The following PRKCH variants were observed in gnomAD, a reference collection of about 807,000 sequenced individuals.
PRKCH encodes protein kinase C eta type.
In PRKCH, 28 loss-of-function variants were observed where a neutral mutation model predicts 82.5. The observed-to-expected ratio is 0.34, with a 90% CI of 0.25 to 0.47. The LOEUF (loss-of-function observed/expected upper bound fraction) is 0.47, where lower values mean the gene tolerates loss of function less well. Among genes scored for constraint, PRKCH ranks in the 20% least tolerant of loss-of-function variants. PRKCH has a pLI of 1.00. For synonymous variants in PRKCH, 322 were observed against 327.4 expected (o/e 0.98, Z 0.18); for missense variants, 705 against 881.8 (o/e 0.80, Z 2.54).
intron 10 of PRKCH, among the ~76,000 whole-genome samples, chr14:61,504,337 C>A (rs1272258887): frequency 6.6e-6 from 1 of 152,024 alleles, no homozygotes; most frequent in Non-Finnish European, 1.5e-5. Flanking sequence ...TACAGGTGCT[C>A]ACCACCACCC....
chr14:61,453,045 CAG>C, intron 6 of PRKCH, 179 bp from the exon 7 acceptor site: 3 of 686,596 alleles, frequency 4.4e-6, no homozygotes, highest in East Asian at 2.8e-5. Context: ...CTGCAGAAAA[CAG>C]AAATAGATAA....
intron 1 of PRKCH, among the ~76,000 whole-genome samples, chr14:61,191,397 G>T (rs749853813): frequency 6.6e-6 from 1 of 152,196 alleles, no homozygotes; most frequent in Non-Finnish European, 1.5e-5. Flanking sequence ...TCCAGGCTGG[G>T]TACAGTGGCT....
rs35610231 is a variant in PRKCH, at chr14:61,212,325, C to T, written c.-19+24657C>T. 1.2e-4 allele frequency among the ~76,000 whole-genome samples: 19 copies of T among 152,120 alleles called. No homozygotes were observed. The East Asian group carries it at 2.7e-3, about 22-fold the overall frequency. ...ATGGATGGACTTTCCTGTTGCAGAG[C>T]GGTTGTAACTATGCTATCATTGGAA... On this transcript the variant is annotated intron_variant, in intron 1 of 3. Transcript: ENST00000555185.
intron 1 of PRKCH, among the ~76,000 whole-genome samples, chr14:61,343,345 T>G (rs2140140286): frequency 9.5e-6 from 1 of 105,680 alleles, no homozygotes; most frequent in Non-Finnish European, 1.9e-5. Flanking sequence ...TAATGACCAG[T>G]TCCCTCAAAA....
At chr14:61,235,302 G>A (rs1172782150) in intron 1 of PRKCH, among the ~76,000 whole-genome samples, 2 of 152,130 alleles carry the variant, frequency 1.3e-5, no homozygotes, top group Non-Finnish European at 2.9e-5. Context: ...TCACCGCTAG[G>A]CAAACAGCAT....
chr14:61,451,175 G>T (rs1884492576), intron 6 of PRKCH, among the ~76,000 whole-genome samples: 1 of 152,118 alleles, frequency 6.6e-6, no homozygotes, highest in African/African-American at 2.4e-5. Flanking sequence ...TCTAATCATA[G>T]GACATTAAGT....
At chr14:61,432,771 G>A (rs965825655) in intron 2 of PRKCH, among the ~76,000 whole-genome samples, 2 of 151,984 alleles carry the variant, frequency 1.3e-5, no homozygotes, top group African/African-American at 4.8e-5. Context: ...AGAGTCCCTC[G>A]CTATATTGTC....
At chr14:61,506,693 T>C (rs1009161248) in intron 10 of PRKCH, among the ~76,000 whole-genome samples, 1 of 152,174 alleles carries the variant, frequency 6.6e-6, no homozygotes, top group Non-Finnish European at 1.5e-5. Flanking sequence ...CCTGGCTGCC[T>C]GATCTTCCCT....
At chr14:61,444,868 C>A (rs1884145556) in intron 3 of PRKCH, among the ~76,000 whole-genome samples, 1 of 152,208 alleles carries the variant, frequency 6.6e-6, no homozygotes. Context: ...TTTTAATCTT[C>A]ATTAGAGCCC....
At position 61,280,349 on chromosome 14, in the gene PRKCH, C is replaced by T; in HGVS notation, c.-19+92681C>T. 1 of 1,613,956 alleles carries T rather than the reference C, an allele frequency of 6.2e-7. No individual in the cohort carries two copies. The highest frequency in any genetic ancestry group is 8.5e-7 in the Non-Finnish European group (1 of 1,179,928). On this transcript the variant is annotated intron_variant, in intron 1 of 3. Coordinates refer to the PRKCH transcript ENST00000555185. This position sits in a 1 kb window ranked among gnomAD's most constrained non-coding sequence, Gnocchi z 5.0. ...GAGTAGTTGCCCTGGCGGATGCGCG[C>T]GTACAGTTTGCGGAACGTGGGCAGC...
intron 1 of PRKCH, among the ~76,000 whole-genome samples, chr14:61,314,168 TTC>T (rs1203407346): frequency 3.5e-5 from 5 of 141,360 alleles, no homozygotes; most frequent in Non-Finnish European, 7.6e-5. Flanking sequence ...AATTTATCTC[TTC>T]TTTTTTATTG....
rs2140091656 is a variant in PRKCH, at chr14:61,280,011, G to A, written c.-19+92343G>A. ...GAAAAGCTAGGCGAGGTTGGAATTGGGTGACGGGCGAGGAGGAGATGCCAA... is the reference window on the plus strand; with the variant it reads ...GAAAAGCTAGGCGAGGTTGGAATTGAGTGACGGGCGAGGAGGAGATGCCAA... On this transcript the variant is annotated intron_variant, in intron 1 of 3. Coordinates refer to the PRKCH transcript ENST00000555185. This position sits in a 1 kb window ranked among gnomAD's most constrained non-coding sequence, Gnocchi z 5.0. 8.0e-7 allele frequency: 1 copy of A among 1,245,374 alleles called. No individual in the cohort carries two copies. The highest frequency in any genetic ancestry group is 1.6e-5 in the South Asian group (1 of 64,356). The allele number at this position is 1,245,374 out of a possible 1,614,324, so 77.1% of individuals were successfully genotyped here.
chr14:61,218,334 G>A (rs1019893652), intron 1 of PRKCH, among the ~76,000 whole-genome samples: 8 of 152,124 alleles, frequency 5.3e-5, no homozygotes, highest in African/African-American at 1.9e-4. Flanking sequence ...TGCCGTGCAG[G>A]TAAGCTTCTG....
chr14:61,526,570 T>C (rs901308342), intron 10 of PRKCH, among the ~76,000 whole-genome samples: 2 of 152,354 alleles, frequency 1.3e-5, no homozygotes, highest in East Asian at 3.9e-4. Flanking sequence ...TGGAAACCAG[T>C]CATGCCAGTT....
chr14:61,505,446 G>C (rs117855267), intron 10 of PRKCH, among the ~76,000 whole-genome samples: 1 of 107,192 alleles, frequency 9.3e-6, no homozygotes, highest in Non-Finnish European at 1.7e-5. Context: ...TTGCTCTATC[G>C]CCCACTGCAA....
In PRKCH at chr14:61,444,435, T is replaced by A. The variant is rs116025802; in HGVS notation, c.578+1174T>A. ...GTGTATTTCATGTCACACTTTTCTG[T>A]TTCTTTTACATGACCTGCCAGGCCC... On this transcript the variant is annotated intron_variant, in intron 3 of 13. Coordinates refer to ENST00000332981, the MANE Select transcript of PRKCH (RefSeq NM_006255.5). 9.3e-3 allele frequency among the ~76,000 whole-genome samples: 1,401 copies of A among 150,124 alleles called. 21 individuals are homozygous for A. The highest frequency in any genetic ancestry group is 0.033 in the African/African-American group (1,341 of 40,920).
chr14:61,263,472 GT>G (rs149263212), intron 1 of PRKCH, among the ~76,000 whole-genome samples: 15,028 of 152,144 alleles, frequency 0.099, 1,148 homozygotes, highest in African/African-American at 0.21. Context: ...GGAAGATAAA[GT>G]TGAGGCTCAG....
intron 10 of PRKCH, among the ~76,000 whole-genome samples, chr14:61,499,438 T>C (rs1420420597): frequency 6.6e-6 from 1 of 152,076 alleles, no homozygotes; most frequent in Non-Finnish European, 1.5e-5. Context: ...CCTGGGGGTG[T>C]CTGGTTTGCT....
chr14:61,393,719 C>G (rs2046723609), intron 2 of PRKCH, among the ~76,000 whole-genome samples: 1 of 152,190 alleles, frequency 6.6e-6, no homozygotes, highest in Non-Finnish European at 1.5e-5. Flanking sequence ...GTTTTCTCCC[C>G]TCAATATCCA....
Sources: gnomAD v4.1 joint callset for allele counts (sites outside exome capture counted in the v4.1 genomes callset) on GRCh38, gnomAD v4.1.1 for gene constraint, Gnocchi (gnomAD v3.1) non-coding constraint, MANE v1.5 for transcripts, NCBI Gene and HGNC (gene_info 2026-07-23, HGNC 2026-07-21) for gene names.